GZF1: variants seen among roughly 807,000 people sequenced by gnomAD.
GZF1 encodes the protein GDNF-inducible zinc finger protein 1.
In GZF1, 28 loss-of-function variants were observed where a neutral mutation model predicts 49.4. The ratio of observed to expected loss-of-function variants is 0.57; its 90% CI spans 0.42 to 0.78. The LOEUF (loss-of-function observed/expected upper bound fraction) is 0.78, where lower values mean the gene tolerates loss of function less well. Ranked by LOEUF, GZF1 falls within the 30% of genes least tolerant of loss-of-function variation. The probability of loss-of-function intolerance (pLI) is 0.00; values close to 1 mark genes in which losing one functional copy is unlikely to be tolerated. For synonymous variants in GZF1, 364 were observed against 356.0 expected, an observed-to-expected ratio of 1.02 and a Z score of -0.25; for missense variants, 798 against 916.2, an observed-to-expected ratio of 0.87 and a Z score of 1.67.
At chr20:23,370,017 AGG>A (rs1202042261) in intron 5 of GZF1, 72 bp from the exon 6 acceptor site, 2 of 1,273,866 alleles carry the variant, frequency 1.6e-6, no homozygotes, top group East Asian at 4.7e-5. Flanking sequence ...GAAGTTGTAG[AGG>A]GACTATTGTT....
chr20:23,369,206 G>A (rs577815647), intron 4 of GZF1, among the ~76,000 whole-genome samples: 78 of 152,336 alleles, frequency 5.1e-4, no homozygotes, highest in South Asian at 5.0e-3. Flanking sequence ...GTGAATGTAG[G>A]AAGTGGATGT....
chr20:23,365,363 T>C lies in GZF1; in HGVS notation c.980T>C (p.Leu327Pro). ...TGCAGCATTTGCGAGAAGGCGTTTCTGTATGAGAAGAGCTTCCTGAAGCAC... is the reference window on the plus strand; with the variant it reads ...TGCAGCATTTGCGAGAAGGCGTTTCCGTATGAGAAGAGCTTCCTGAAGCAC... Reference protein sequence around the residue: ...FKCSICEKAFLYEKSFLKHSK... With the variant: ...FKCSICEKAFPYEKSFLKHSK... Residue 327 changes from leucine to proline, a missense_variant, in exon 2 of 6, where the codon CTG (leucine) becomes CCG (proline). By Grantham distance (98) the Leu-to-Pro change is moderately conservative. This residue lies in a region of GZF1 where 446 missense variants were observed against 540.1 expected (regional missense o/e 0.83). Coordinates refer to ENST00000338121, the MANE Select transcript of GZF1 (RefSeq NM_022482.5). The C allele has an allele frequency of 6.2e-7, 1 of 1,612,780 alleles. No individual in the cohort carries two copies. The highest frequency in any genetic ancestry group is 8.5e-7 in the Non-Finnish European group (1 of 1,179,248).
chr20:23,369,090 C>CT (rs1238426133), intron 4 of GZF1, among the ~76,000 whole-genome samples, 161 bp downstream of exon 4: 2 of 152,284 alleles, frequency 1.3e-5, no homozygotes, highest in Admixed American at 6.5e-5. Context: ...GTTTCTAACT[C>CT]TGAGAAACTG....
upstream of GZF1, among the ~76,000 whole-genome samples, chr20:23,361,367 A>G (rs1188062976): frequency 6.6e-6 from 1 of 152,270 alleles, no homozygotes; most frequent in East Asian, 1.9e-4. Flanking sequence ...TGGTGGAAAC[A>G]GCAAGATTTC....
intron 2 of GZF1, 90 bp downstream of exon 2, chr20:23,365,837 T>A: frequency 7.0e-7 from 1 of 1,424,692 alleles, no homozygotes; most frequent in South Asian, 1.5e-5. Flanking sequence ...TCTCACTGCT[T>A]AATTTCTCCG....
upstream of GZF1, among the ~76,000 whole-genome samples, chr20:23,361,859 C>A (rs1016026367): frequency 6.6e-6 from 1 of 152,220 alleles, no homozygotes; most frequent in South Asian, 2.1e-4. Context: ...AGTGACCACG[C>A]GAATCTGACG....
At chr20:23,369,843 C>A in intron 5 of GZF1, 102 bp downstream of exon 5, 1 of 1,280,834 alleles carries the variant, frequency 7.8e-7, no homozygotes, top group Non-Finnish European at 1.1e-6. Context: ...GAGGTCGAGA[C>A]AACAGGTACT....
chr20:23,370,227 T>C lies in GZF1; in HGVS notation c.1922T>C (p.Phe641Ser). ...AAGCTTTCGGATAAATTGCTGTCTT[T>C]TGCAGAAAATGGCCATTTCCACAAC... ...SSKLSDKLLS[F>S]AENGHFHNLA... Residue 641 changes from phenylalanine to serine, a missense_variant, in exon 6 of 6, where the codon TTT becomes TCT. Transcript: ENST00000338121. The C allele has an allele frequency of 5.6e-6, 9 of 1,614,216 alleles. No individual in the cohort carries two copies. The highest frequency in any genetic ancestry group is 7.6e-6 in the Non-Finnish European group (9 of 1,180,040).
At position 23,372,872 on chromosome 20, in the gene GZF1, TC is replaced by T. The variant is rs1982213171; in HGVS notation, c.*2432del. The T allele has an allele frequency of 6.6e-6, 1 of 152,236 alleles. No homozygotes were observed. The highest frequency in any genetic ancestry group is 6.5e-5 in the Admixed American group (1 of 15,288). 9.4% of individuals were successfully genotyped at this position (152,236 alleles called of 1,614,324 possible). On this transcript the variant is annotated 3_prime_UTR_variant, in exon 6 of 6. Coordinates refer to ENST00000338121, the MANE Select transcript of GZF1 (RefSeq NM_022482.5). ...AAACTCCAAAGGGATGTGCAGCCTT[TC>T]GTTTTACCAAATTCTTTGCTGTCGT...
Position 23,364,392 on chromosome 20 carries a change from C to T in GZF1, c.9C>T (p.Ser3=), listed in dbSNP as rs576902241. The change falls in exon 2 of 6, where the codon AGC becomes AGT. Residue 3 remains serine (S), a synonymous_variant. Coordinates refer to ENST00000338121, the MANE Select transcript of GZF1 (RefSeq NM_022482.5). ...TTTTGGAAGGAAGAAAGATGGAAAG[C>T]GGTGCAGTTCTGCTGGAATCCAAAT... ME[S]GAVLLESKSS... is the part of the protein sequence containing the mutation. The T allele has an allele frequency of 1.5e-5, 24 of 1,563,608 alleles. 1 individual carries two copies. Among genetic ancestry groups the T allele is most frequent in the South Asian group, 1.1e-4 (9 of 85,130 alleles).
At chr20:23,368,694 G>A (rs1259392705) in intron 3 of GZF1, 68 bp from the exon 4 acceptor site, 4 of 1,272,690 alleles carry the variant, frequency 3.1e-6, no homozygotes, top group Non-Finnish European at 4.2e-6. Context: ...TTTAACAGTG[G>A]AGACCTACTG....
Position 23,365,623 on chromosome 20 carries a change from A to G in GZF1, c.1240A>G (p.Lys414Glu). ...GERHRCGQCGKGLSSKTALRL... is the reference protein window; with the variant it reads ...GERHRCGQCGEGLSSKTALRL... ...GCGGCACCGCTGCGGCCAGTGCGGC[A>G]AGGGCCTGAGTTCCAAGACAGCGCT... The change falls in exon 2 of 6, where the codon AAG becomes GAG. Residue 414 changes from lysine to glutamate, a missense_variant. Around this residue, in one of 3 missense-constraint regions of GZF1, gnomAD observed 446 missense variants for 540.1 expected, o/e 0.83. Coordinates refer to ENST00000338121, the MANE Select transcript of GZF1 (RefSeq NM_022482.5). 6.2e-7 allele frequency: 1 copy of G among 1,605,502 alleles called. No individual in the cohort carries two copies.
intron 3 of GZF1, 136 bp downstream of exon 3, chr20:23,367,233 G>A: frequency 1.6e-6 from 1 of 638,916 alleles, no homozygotes; most frequent in Non-Finnish European, 2.8e-6. Context: ...TAGTAAGTGA[G>A]CAAAATGAAT....
In GZF1 at chr20:23,372,496, C is replaced by G. The variant is rs1982170128; in HGVS notation, c.*2055C>G. 6.6e-6 allele frequency: 1 copy of G among 152,186 alleles called. No homozygotes were observed. The highest frequency in any genetic ancestry group is 1.5e-5 in the Non-Finnish European group (1 of 68,046). The allele number at this position is 152,186 out of a possible 1,614,324, so 9.4% of individuals were successfully genotyped here. The stretch of plus-strand genomic sequence containing the variant: ...GCCTCTGCTCATGCGCAGGCCACAA[C>G]CGGGCTGGAAGTGCGGTTGAGCTCT... On this transcript the variant is annotated 3_prime_UTR_variant, in exon 6 of 6. Transcript: ENST00000338121.
upstream of GZF1, among the ~76,000 whole-genome samples, chr20:23,361,543 G>A (rs1055322357): frequency 3.9e-5 from 6 of 152,160 alleles, no homozygotes; most frequent in African/African-American, 7.2e-5. Flanking sequence ...GGCGCGCCGA[G>A]CCCCCCAGCA....
At chr20:23,365,779 C>A in intron 2 of GZF1, 32 bp downstream of exon 2, 2 of 1,482,010 alleles carry the variant, frequency 1.3e-6, no homozygotes, top group Admixed American at 4.7e-5. Flanking sequence ...GGGGTCCCTG[C>A]GCACTGGAAG....
At position 23,364,818 on chromosome 20, in the gene GZF1, G is replaced by A. The variant is rs763537182; in HGVS notation, c.435G>A (p.Glu145=). Residue 145 remains glutamate (E), a synonymous_variant, in exon 2 of 6, where the codon GAG becomes GAA. Transcript: ENST00000338121. The part of the protein sequence containing the change: ...SVLLELQNFS[E]SQEVEVSSGS... ...TTTTGGAGTTGCAAAATTTCTCAGA[G>A]TCTCAGGAGGTGGAGGTGAGCAGTG... 6.2e-7 allele frequency: 1 copy of A among 1,614,262 alleles called. No homozygotes were observed. The highest frequency in any genetic ancestry group is 8.5e-7 in the Non-Finnish European group (1 of 1,180,040).
chr20:23,365,289 G>A lies in GZF1; in HGVS notation c.906G>A (p.Glu302=), dbSNP rs1981184998. The change falls in exon 2 of 6, where the codon GAG becomes GAA. Residue 302 remains glutamate (E), a synonymous_variant. Transcript: ENST00000338121. ...AAGCAGGGCCGGAGGAGGAAGAGGA[G>A]GAGGAGGAGGAGGACGAAGAAGGGG... ...SKKAGPEEEE[E]EEEEDEEGEK... The A allele has an allele frequency of 1.2e-6, 2 of 1,604,940 alleles. No homozygotes were observed. Among genetic ancestry groups the A allele is most frequent in the Non-Finnish European group, 1.7e-6 (2 of 1,174,816 alleles).
In GZF1 at chr20:23,369,619, C is replaced by G. The variant is rs1207637737; in HGVS notation, c.1663C>G (p.Gln555Glu). The G allele has an allele frequency of 6.2e-7, 1 of 1,613,878 alleles. No individual in the cohort carries two copies. Among genetic ancestry groups the G allele is most frequent in the Admixed American group, 1.7e-5 (1 of 59,988 alleles). ...CTACTGCTGTGACCAGTGCGGCAAG[C>G]AGTTCACCCAGCTCAACGCCCTCCA... Reference protein sequence around the residue: ...RPYCCDQCGKQFTQLNALQRH... With the variant: ...RPYCCDQCGKEFTQLNALQRH... Residue 555 changes from glutamine (Q) to glutamate (E), a missense_variant, in exon 5 of 6, where the codon CAG (glutamine) becomes GAG (glutamate). By Grantham distance (29) the Gln-to-Glu change is conservative. Transcript: ENST00000338121.
Sources: allele counts gnomAD v4.1 joint callset (sites outside exome capture counted in the v4.1 genomes callset), GRCh38; gene constraint gnomAD v4.1.1; regional missense constraint gnomAD v4.1.1; transcripts MANE v1.5; gene names NCBI Gene and HGNC (gene_info 2026-07-23, HGNC 2026-07-21).